The following CDH2 variants were observed in gnomAD, a reference collection of about 807,000 sequenced individuals.
The protein encoded by CDH2 is cadherin 2, also known as cadherin-2.
Under a neutral mutation model 92.0 loss-of-function variants are expected in CDH2, and 17 were observed. The ratio of observed to expected loss-of-function variants is 0.18; its 90% CI spans 0.13 to 0.28. The LOEUF (loss-of-function observed/expected upper bound fraction) is 0.28, where lower values mean the gene tolerates loss of function less well. Among genes scored for constraint, CDH2 ranks in the 10% least tolerant of loss-of-function variants. The pLI is 1.00. For missense variants in CDH2, 862 were observed against 1,133.1 expected, an observed-to-expected ratio of 0.76 and a Z score of 3.44; for synonymous variants, 419 against 415.9, an observed-to-expected ratio of 1.01 and a Z score of -0.09.
At chr18:28,129,494 A>G (rs1487622385) in intron 2 of CDH2, among the ~76,000 whole-genome samples, 1 of 152,228 alleles carries the variant, frequency 6.6e-6, no homozygotes, top group Non-Finnish European at 1.5e-5. Context: ...AATATCAGTT[A>G]GACTCTAGGC....
Position 27,990,207 on chromosome 18 carries a change from A to G in CDH2, c.1488T>C (p.Tyr496=). The G allele has an allele frequency of 6.2e-7, 1 of 1,614,160 alleles. No individual in the cohort carries two copies. The highest frequency in any genetic ancestry group is 8.5e-7 in the Non-Finnish European group (1 of 1,180,016). ...GAATGATCTTAGGATTGGGGGCAAAATAAGGGTTTTCATTTACGTCAATAA... is the reference window on the plus strand; with the variant it reads ...GAATGATCTTAGGATTGGGGGCAAAGTAAGGGTTTTCATTTACGTCAATAA... The part of the protein sequence containing the change: ...VTVIDVNENP[Y]FAPNPKIIRQ... The change falls in exon 10 of 16, where the codon TAT becomes TAC. Residue 496 remains tyrosine (Y), a synonymous_variant. Coordinates refer to ENST00000269141, the MANE Select transcript of CDH2 (RefSeq NM_001792.5).
At chr18:27,969,279 A>G (rs1366955595) in intron 14 of CDH2, among the ~76,000 whole-genome samples, 1 of 152,216 alleles carries the variant, frequency 6.6e-6, no homozygotes, top group African/African-American at 2.4e-5. Context: ...CTCTCTTCAT[A>G]TACTATACAT....
chr18:28,052,238 T>C lies in CDH2; in HGVS notation c.173-38329A>G, dbSNP rs565326952. On this transcript the variant is annotated intron_variant, in intron 2 of 15. Coordinates refer to ENST00000269141, the MANE Select transcript of CDH2 (RefSeq NM_001792.5). The stretch of plus-strand genomic sequence containing the variant: ...GTCATAATTTCAATTTTCAACTTAT[T>C]CCACATGGGAAGTAATTTGTGTAAG... Among the ~76,000 whole-genome samples, 3 of 152,272 alleles carry C rather than the reference T, an allele frequency of 2.0e-5. No individual in the cohort carries two copies. The East Asian group carries it at 5.8e-4, about 29-fold the overall frequency.
intron 6 of CDH2, among the ~76,000 whole-genome samples, chr18:27,937,402 C>T (rs1030046903): frequency 8.6e-5 from 13 of 151,986 alleles, no homozygotes; most frequent in Non-Finnish European, 1.5e-4. Flanking sequence ...GTTTACTCAC[C>T]GGTAAGACAG....
At chr18:28,028,834 T>C (rs1394698152) in intron 2 of CDH2, among the ~76,000 whole-genome samples, 1 of 152,138 alleles carries the variant, frequency 6.6e-6, no homozygotes, top group Non-Finnish European at 1.5e-5. Context: ...GTATTTAACA[T>C]ATACAGAATT....
intron 9 of CDH2, among the ~76,000 whole-genome samples, chr18:27,991,497 C>G (rs184219500): frequency 6.6e-6 from 1 of 152,170 alleles, no homozygotes; most frequent in African/African-American, 2.4e-5. Flanking sequence ...CCACACGAAA[C>G]CTTCCCCTGA....
intron 2 of CDH2, among the ~76,000 whole-genome samples, chr18:28,018,866 C>T (rs562188002): frequency 3.4e-4 from 45 of 131,046 alleles, no homozygotes; most frequent in African/African-American, 1.1e-3. Context: ...GATACTTGCA[C>T]ACACGTTTAT....
intron 2 of CDH2, among the ~76,000 whole-genome samples, chr18:28,083,710 T>C (rs1241157970): frequency 6.6e-6 from 1 of 152,208 alleles, no homozygotes; most frequent in African/African-American, 2.4e-5. Context: ...AAAGGTATGA[T>C]GGATTTTAAG....
intron 1 of CDH2, among the ~76,000 whole-genome samples, chr18:28,148,425 A>AT (rs1447682535): frequency 1.3e-5 from 2 of 152,184 alleles, no homozygotes. Context: ...AGTATCTGTC[A>AT]TTTTCTATAT....
chr18:28,024,399 T>C (rs1484177777), intron 2 of CDH2, among the ~76,000 whole-genome samples: 1 of 151,164 alleles, frequency 6.6e-6, no homozygotes, highest in Non-Finnish European at 1.5e-5. Context: ...ATTGTAGGCA[T>C]GTACAAATCT....
intron 11 of CDH2, among the ~76,000 whole-genome samples, chr18:27,986,193 G>A (rs1599011570): frequency 1.3e-5 from 2 of 152,186 alleles, no homozygotes; most frequent in South Asian, 2.1e-4. Flanking sequence ...TGCTTTTAAC[G>A]CTCTAACACA....
intron 6 of CDH2, among the ~76,000 whole-genome samples, chr18:28,005,264 C>A (rs552293246): frequency 6.6e-6 from 1 of 152,100 alleles, no homozygotes; most frequent in Non-Finnish European, 1.5e-5. Context: ...ATTTCTAGGC[C>A]AGGGCATTTT....
intron 6 of CDH2, among the ~76,000 whole-genome samples, chr18:28,004,599 G>GA (rs2012861146): frequency 6.6e-6 from 1 of 151,828 alleles, no homozygotes; most frequent in Non-Finnish European, 1.5e-5. Context: ...TTGTAAAGTT[G>GA]GAAATAATAG....
At chr18:28,052,744 A>G (rs1047215767) in intron 2 of CDH2, among the ~76,000 whole-genome samples, 4 of 152,208 alleles carry the variant, frequency 2.6e-5, no homozygotes, top group African/African-American at 9.6e-5. Context: ...CAATATCACG[A>G]AACAGTTCAT....
intron 2 of CDH2, among the ~76,000 whole-genome samples, chr18:28,050,761 G>C (rs925727022): frequency 6.6e-6 from 1 of 152,152 alleles, no homozygotes; most frequent in African/African-American, 2.4e-5. Flanking sequence ...TGGTCCACTT[G>C]ACAAGGAGAG....
chr18:28,129,833 A>C (rs2015737115), intron 2 of CDH2, among the ~76,000 whole-genome samples: 1 of 152,166 alleles, frequency 6.6e-6, no homozygotes, highest in Non-Finnish European at 1.5e-5. Context: ...ATTTTAAAAA[A>C]CTAAATGACT....
At chr18:28,028,585 T>TA (rs915486044) in intron 2 of CDH2, among the ~76,000 whole-genome samples, 53 of 152,052 alleles carry the variant, frequency 3.5e-4, no homozygotes, top group African/African-American at 1.3e-3. Context: ...ATAATATATA[T>TA]AAAAAACAGG....
At chr18:28,109,231 G>C (rs1021822012) in intron 2 of CDH2, among the ~76,000 whole-genome samples, 4 of 152,192 alleles carry the variant, frequency 2.6e-5, no homozygotes, top group African/African-American at 9.6e-5. Flanking sequence ...CAAAATAAAT[G>C]TATTTTAGTA....
chr18:28,113,763 T>C (rs759303750), intron 2 of CDH2, among the ~76,000 whole-genome samples: 1 of 152,178 alleles, frequency 6.6e-6, no homozygotes, highest in Non-Finnish European at 1.5e-5. Flanking sequence ...AATACTGCTA[T>C]AAATTCCTTT....
Sources: gnomAD v4.1 joint callset for allele counts (sites outside exome capture counted in the v4.1 genomes callset) on GRCh38, gnomAD v4.1.1 for gene constraint, MANE v1.5 for transcripts, NCBI Gene and HGNC (gene_info 2026-07-23, HGNC 2026-07-21) for gene names.